Variants in MCPH1 observed in about 807,000 individuals in gnomAD.
MCPH1 encodes the protein microcephalin 1.
In MCPH1, 104 loss-of-function variants were observed where a neutral mutation model predicts 84.5. That is an observed-to-expected ratio of 1.23 (90% CI 1.05 to 1.45). The LOEUF (loss-of-function observed/expected upper bound fraction) is 1.45, where lower values mean the gene tolerates loss of function less well. Among genes scored for constraint, MCPH1 ranks in the 40% most tolerant of loss-of-function variants. The probability of loss-of-function intolerance (pLI) is 0.00; values close to 1 mark genes in which losing one functional copy is unlikely to be tolerated. For missense variants in MCPH1, 1,498 were observed against 1,005.7 expected, an observed-to-expected ratio of 1.49 and a Z score of -6.62; for synonymous variants, 514 against 366.8, an observed-to-expected ratio of 1.40 and a Z score of -4.58.
At chr8:6,464,372 C>G (rs78023007) in intron 9 of MCPH1, among the ~76,000 whole-genome samples, 1 of 152,116 alleles carries the variant, frequency 6.6e-6, no homozygotes. Context: ...GCTTTCAGCC[C>G]CCATTAGCAC....
At chr8:6,534,178 G>A (rs951972050) in intron 12 of MCPH1, among the ~76,000 whole-genome samples, 1 of 151,736 alleles carries the variant, frequency 6.6e-6, no homozygotes, top group Non-Finnish European at 1.5e-5. Flanking sequence ...CCACATCTAC[G>A]GGTTCAACCA....
At chr8:6,598,541 A>C (rs1423517992) in intron 12 of MCPH1, among the ~76,000 whole-genome samples, 1 of 152,212 alleles carries the variant, frequency 6.6e-6, no homozygotes, top group South Asian at 2.1e-4. Flanking sequence ...TGGGAGAGGC[A>C]CACACCAGAA....
intron 8 of MCPH1, among the ~76,000 whole-genome samples, chr8:6,448,268 ACT>A (rs1286661812): frequency 9.2e-5 from 14 of 152,202 alleles, no homozygotes; most frequent in Admixed American, 9.2e-4. Flanking sequence ...GGAGCCTGTG[ACT>A]CTGTCAAAAT....
rs567185235 is a variant in MCPH1 at position 6,425,184 on chromosome 8, C to G, written c.234-6315C>G. ...ATAAGCTCATCACAGCACGGCTTCC[C>G]GAGGAGAACGTTGCTGCTTTGATTT... is the stretch of plus-strand genomic sequence containing the variant. On this transcript the variant is annotated intron_variant, in intron 3 of 13. Transcript: ENST00000344683. 7.4e-4 allele frequency among the ~76,000 whole-genome samples: 113 copies of G among 152,216 alleles called. 1 individual carries two copies. Among genetic ancestry groups the G allele is most frequent in the Non-Finnish European group, 1.4e-3 (98 of 68,008 alleles).
intron 13 of MCPH1, among the ~76,000 whole-genome samples, chr8:6,633,700 G>A (rs536126089): frequency 6.6e-6 from 1 of 152,118 alleles, no homozygotes; most frequent in Non-Finnish European, 1.5e-5. Context: ...CCCACAATGT[G>A]TAATAAAATG....
chr8:6,502,854 C>A, intron 12 of MCPH1: 1 of 457,588 alleles, frequency 2.2e-6, no homozygotes, highest in East Asian at 3.6e-5. Flanking sequence ...GCCTCGGGTT[C>A]ATCTTTGCAT....
chr8:6,439,699 G>A (rs1340864114), intron 6 of MCPH1, among the ~76,000 whole-genome samples: 1 of 152,088 alleles, frequency 6.6e-6, no homozygotes, highest in Admixed American at 6.5e-5. Flanking sequence ...ACCGCTCCTG[G>A]CCGTGAATCA....
chr8:6,447,536 G>A (rs2129556060), intron 8 of MCPH1: 1 of 549,526 alleles, frequency 1.8e-6, no homozygotes, highest in East Asian at 1.5e-4. Context: ...AACAATTTTG[G>A]TTTTGTTTTG....
intron 12 of MCPH1, among the ~76,000 whole-genome samples, chr8:6,538,433 C>T (rs58401799): frequency 0.022 from 3,410 of 152,280 alleles, 118 homozygotes; most frequent in African/African-American, 0.076. Context: ...GACCGCAGCT[C>T]ACTTTCTTCC....
At chr8:6,585,626 G>C (rs1827915531) in intron 12 of MCPH1, among the ~76,000 whole-genome samples, 1 of 152,196 alleles carries the variant, frequency 6.6e-6, no homozygotes, top group Non-Finnish European at 1.5e-5. Flanking sequence ...GTGACATCAG[G>C]CATCACTTTC....
At position 6,480,859 on chromosome 8, in the gene MCPH1, G is replaced by C. The variant is rs749925635; in HGVS notation, c.2119G>C (p.Val707Leu). The change falls in exon 11 of 14, where the codon GTT (valine) becomes CTT (leucine). Residue 707 changes from valine (V) to leucine (L), a missense_variant. Physicochemically the swap from Val to Leu is conservative, Grantham distance 32. Transcript: ENST00000344683. ...VLLGIARGCW[V>L]LSYDWVLWSL... ...GCTGGGAATTGCGCGTGGCTGCTGGGTTCTCTCTTATGATTGGGTAAGCCC... is the reference window on the plus strand; with the variant it reads ...GCTGGGAATTGCGCGTGGCTGCTGGCTTCTCTCTTATGATTGGGTAAGCCC... The C allele has an allele frequency of 5.0e-6, 8 of 1,614,134 alleles. No individual in the cohort carries two copies. The highest frequency in any genetic ancestry group is 6.8e-6 in the Non-Finnish European group (8 of 1,180,038).
intron 12 of MCPH1, among the ~76,000 whole-genome samples, chr8:6,534,567 C>G (rs901765622): frequency 6.6e-6 from 1 of 152,156 alleles, no homozygotes; most frequent in African/African-American, 2.4e-5. Context: ...GCACATCTGG[C>G]TGAAGCCTTA....
intron 9 of MCPH1, among the ~76,000 whole-genome samples, chr8:6,472,726 C>A (rs1049679484): frequency 1.2e-4 from 18 of 152,256 alleles, no homozygotes; most frequent in African/African-American, 4.3e-4. Context: ...CCTCGGCTTC[C>A]CAAAGTGCTG....
chr8:6,418,739 G>A (rs142534656), intron 3 of MCPH1, among the ~76,000 whole-genome samples: 4 of 152,092 alleles, frequency 2.6e-5, no homozygotes, highest in South Asian at 2.1e-4. Flanking sequence ...GTGCCACCAC[G>A]CCCAGCTAAT....
chr8:6,431,520 C>T lies in MCPH1; in HGVS notation c.255C>T (p.His85=). ...ACAGATGCAGGACAGCTGGAGCACA[C>T]ATTGATGAATCATTGTTCCCTGCAG... ...WVEKCRTAGA[H]IDESLFPAAN... Residue 85 remains histidine (H), a synonymous_variant, in exon 4 of 14, where the codon CAC becomes CAT. Coordinates refer to ENST00000344683, the MANE Select transcript of MCPH1 (RefSeq NM_024596.5). 6.2e-7 allele frequency: 1 copy of T among 1,613,434 alleles called. No individual in the cohort carries two copies.
intron 13 of MCPH1, among the ~76,000 whole-genome samples, chr8:6,637,858 T>C (rs1393715754): frequency 1.3e-5 from 2 of 152,080 alleles, no homozygotes; most frequent in African/African-American, 4.8e-5. Context: ...GACGTATCGA[T>C]GGAGGTGTTG....
chr8:6,436,134 A>G lies in MCPH1; in HGVS notation c.408A>G (p.Lys136=). ...AGAAGAAATTTGAGAAAATGGCTAA[A>G]GAGCTACAAAGGCAAAAAACAAATC... The part of the protein sequence containing the change: ...RFQKKFEKMA[K]ELQRQKTNLD... Residue 136 remains lysine, a synonymous_variant, in exon 5 of 14, where the codon AAA becomes AAG. Transcript: ENST00000344683. 1 of 1,613,786 alleles carries G rather than the reference A, an allele frequency of 6.2e-7. No individual in the cohort carries two copies. The highest frequency in any genetic ancestry group is 8.5e-7 in the Non-Finnish European group (1 of 1,179,840).
intron 11 of MCPH1, among the ~76,000 whole-genome samples, chr8:6,493,623 C>G (rs1199720522): frequency 6.6e-6 from 1 of 152,152 alleles, no homozygotes; most frequent in South Asian, 2.1e-4. Flanking sequence ...CCTGGGGGAT[C>G]TTACTGAAGT....
At chr8:6,510,891 T>C (rs2442632) in intron 12 of MCPH1, among the ~76,000 whole-genome samples, 66,272 of 152,018 alleles carry the variant, frequency 0.44, 14,720 homozygotes, top group Middle Eastern at 0.53. Flanking sequence ...TTTTCCCACA[T>C]GTTTCAAAAG....
Sources: gnomAD v4.1 joint callset for allele counts (sites outside exome capture counted in the v4.1 genomes callset) on GRCh38, gnomAD v4.1.1 for gene constraint, MANE v1.5 for transcripts, NCBI Gene and HGNC (gene_info 2026-07-23, HGNC 2026-07-21) for gene names.